The following GPRIN3 variants were observed in gnomAD, a reference collection of about 807,000 sequenced individuals.
The protein encoded by GPRIN3 is GPRIN family member 3.
In GPRIN3, 12 loss-of-function variants were observed where a neutral mutation model predicts 13.7. That is an observed-to-expected ratio of 0.87 (90% CI 0.56 to 1.42). The LOEUF (loss-of-function observed/expected upper bound fraction) is 1.42. GPRIN3 is among the 40% of genes most tolerant of loss of function. The pLI, the probability that GPRIN3 is intolerant of heterozygous loss-of-function variation, is 0.00. For synonymous variants in GPRIN3, 377 were observed against 372.7 expected (o/e 1.01, Z -0.13); for missense variants, 1,009 against 958.7 (o/e 1.05, Z -0.69).
chr4:89,262,213 C>CAAT (rs1723651185), intron 1 of GPRIN3, among the ~76,000 whole-genome samples: 1 of 150,812 alleles, frequency 6.6e-6, no homozygotes, highest in Non-Finnish European at 1.5e-5. Context: ...AACAAAAATC[C>CAAT]AATAATAATA....
rs537410894 is a variant in GPRIN3, at chr4:89,239,172, A to G, written c.*8608T>C. On this transcript the variant is annotated 3_prime_UTR_variant, in exon 2 of 2. Coordinates refer to ENST00000609438, the MANE Select transcript of GPRIN3 (RefSeq NM_198281.3). ...ACATTATAAAAAAACATAACTTTGGATTTTAATATTAATACATTCATAAAT... is the reference window on the plus strand; with the variant it reads ...ACATTATAAAAAAACATAACTTTGGGTTTTAATATTAATACATTCATAAAT... 3.4e-4 allele frequency: 52 copies of G among 152,250 alleles called. No individual in the cohort carries two copies. Among genetic ancestry groups the G allele is most frequent in the African/African-American group, 1.1e-3 (45 of 41,566 alleles). 9.4% of individuals were successfully genotyped at this position (152,250 alleles called of 1,614,324 possible).
At chr4:89,255,273 G>A (rs1034846963) in intron 1 of GPRIN3, among the ~76,000 whole-genome samples, 1 of 152,158 alleles carries the variant, frequency 6.6e-6, no homozygotes, top group African/African-American at 2.4e-5. Flanking sequence ...ATAAACTGAG[G>A]ATAATAATAG....
In GPRIN3 at chr4:89,242,919, C is replaced by T. The variant is rs1004943619; in HGVS notation, c.*4861G>A. 7 of 152,088 alleles carry T rather than the reference C, an allele frequency of 4.6e-5. No individual in the cohort carries two copies. Among genetic ancestry groups the T allele is most frequent in the African/African-American group, 1.7e-4 (7 of 41,404 alleles). 9.4% of individuals were successfully genotyped at this position (152,088 alleles called of 1,614,324 possible). On this transcript the variant is annotated 3_prime_UTR_variant, in exon 2 of 2. Transcript: ENST00000609438. Reference sequence around the variant, plus strand: ...TCATCACGTTTACTTACCTAACAGCCAAAAATAATGTTTCAGGATTGTTTG... The same window carrying T: ...TCATCACGTTTACTTACCTAACAGCTAAAAATAATGTTTCAGGATTGTTTG...
intron 1 of GPRIN3, among the ~76,000 whole-genome samples, chr4:89,290,430 A>G (rs1724539795): frequency 6.6e-6 from 1 of 152,072 alleles, no homozygotes; most frequent in African/African-American, 2.4e-5. Flanking sequence ...TGTATCAGGG[A>G]CTGGGCTAGG....
chr4:89,238,734 C>T lies in GPRIN3; in HGVS notation c.*9046G>A, dbSNP rs553746854. The T allele has an allele frequency of 1.5e-4, 23 of 152,180 alleles. No homozygotes were observed. Among genetic ancestry groups the T allele is most frequent in the Non-Finnish European group, 2.8e-4 (19 of 68,038 alleles). 9.4% of individuals were successfully genotyped at this position (152,180 alleles called of 1,614,324 possible). A position where few individuals can be genotyped will look rare whatever the true frequency, so the allele number is the denominator to read the frequency against. ...TCTTTCATTGCAAATACTTCCAGTTCCACTGCAGATTCCTAGCAGAAGCTG... is the reference window on the plus strand; with the variant it reads ...TCTTTCATTGCAAATACTTCCAGTTTCACTGCAGATTCCTAGCAGAAGCTG... On this transcript the variant is annotated 3_prime_UTR_variant, in exon 2 of 2. Coordinates refer to ENST00000609438, the MANE Select transcript of GPRIN3 (RefSeq NM_198281.3).
At chr4:89,290,846 G>T (rs1208028026) in intron 1 of GPRIN3, among the ~76,000 whole-genome samples, 2 of 151,998 alleles carry the variant, frequency 1.3e-5, no homozygotes, top group African/African-American at 4.8e-5. Flanking sequence ...AGAGACTGCC[G>T]CATGCCCCAT....
At position 89,247,562 on chromosome 4, in the gene GPRIN3, CTTGT is replaced by C. The variant is rs1723137327; in HGVS notation, c.*214_*217del. The stretch of plus-strand genomic sequence containing the variant: ...TTAAGGTTGCAAACCTTCAGTGAAG[CTTGT>C]TTCTCTTTTCTTGTTCCTTCTTTCA... On this transcript the variant is annotated 3_prime_UTR_variant, in exon 2 of 2. Transcript: ENST00000609438. 1 of 480,508 alleles carries C rather than the reference CTTGT, an allele frequency of 2.1e-6. No homozygotes were observed. Among genetic ancestry groups the C allele is most frequent in the Admixed American group, 3.8e-5 (1 of 26,140 alleles). The allele number at this position is 480,508 out of a possible 1,614,324, so 29.8% of individuals were successfully genotyped here. A position where few individuals can be genotyped will look rare whatever the true frequency, so the allele number is the denominator to read the frequency against.
chr4:89,287,741 A>C (rs1724461604), intron 1 of GPRIN3, among the ~76,000 whole-genome samples: 1 of 152,260 alleles, frequency 6.6e-6, no homozygotes, highest in Admixed American at 6.5e-5. Context: ...CCCTGAAATG[A>C]GTAAAACATG....
At position 89,242,228 on chromosome 4, in the gene GPRIN3, T is replaced by G. The variant is rs1440830091; in HGVS notation, c.*5552A>C. On this transcript the variant is annotated 3_prime_UTR_variant, in exon 2 of 2. Transcript: ENST00000609438. ...TTGATGAAGAGTTAGCATTTAGAAG[T>G]GCCCATCTGGAGCATCGTTTTCTGT... 6.6e-6 allele frequency: 1 copy of G among 152,228 alleles called. No homozygotes were observed. Among genetic ancestry groups the G allele is most frequent in the African/African-American group, 2.4e-5 (1 of 41,464 alleles). The allele number at this position is 152,228 out of a possible 1,614,324, so 9.4% of individuals were successfully genotyped here.
chr4:89,277,964 C>T (rs991771514), intron 1 of GPRIN3, among the ~76,000 whole-genome samples: 1 of 152,124 alleles, frequency 6.6e-6, no homozygotes, highest in East Asian at 1.9e-4. Flanking sequence ...TTTCACCACC[C>T]CGTATTTTCC....
intron 1 of GPRIN3, among the ~76,000 whole-genome samples, chr4:89,270,571 A>ATGTATATAATT (rs1723910776): frequency 2.1e-5 from 2 of 93,608 alleles, no homozygotes; most frequent in African/African-American, 1.3e-4. Flanking sequence ...TAATTTATAT[A>ATGTATATAATT]TATATATATA....
At position 89,295,255 on chromosome 4, in the gene GPRIN3, C is replaced by T. The variant is rs116797025; in HGVS notation, c.-124+12360G>A. On this transcript the variant is annotated intron_variant, in intron 1 of 1. Transcript: ENST00000609438. ...AGCAACACACATTTTAAATTTGTAA[C>T]GTGAGCCTTGATAATGCATTTTATC... Among the ~76,000 whole-genome samples the T allele has an allele frequency of 6.7e-3, 1,016 of 152,272 alleles. 13 individuals are homozygous for T. The highest frequency in any genetic ancestry group is 0.023 in the African/African-American group (968 of 41,556).
rs1419870229 is a variant in GPRIN3, at chr4:89,247,174, G to A, written c.*606C>T. 4 of 152,114 alleles carry A rather than the reference G, an allele frequency of 2.6e-5. No homozygotes were observed. Among genetic ancestry groups the A allele is most frequent in the African/African-American group, 9.7e-5 (4 of 41,414 alleles). The allele number at this position is 152,114 out of a possible 1,614,324, so 9.4% of individuals were successfully genotyped here. On this transcript the variant is annotated 3_prime_UTR_variant, in exon 2 of 2. Coordinates refer to ENST00000609438, the MANE Select transcript of GPRIN3 (RefSeq NM_198281.3). ...AGAAGGTTTATAAAAAGAGTTGTCTGCAGATGTTTATAAACATTAATTCAT... is the reference window on the plus strand; with the variant it reads ...AGAAGGTTTATAAAAAGAGTTGTCTACAGATGTTTATAAACATTAATTCAT...
At chr4:89,294,996 A>G (rs1724692498) in intron 1 of GPRIN3, among the ~76,000 whole-genome samples, 1 of 152,156 alleles carries the variant, frequency 6.6e-6, no homozygotes, top group African/African-American at 2.4e-5. Flanking sequence ...GCACCTCTCA[A>G]TGTAGCTGAT....
At position 89,248,518 on chromosome 4, in the gene GPRIN3, A is replaced by G. The variant is rs189248265; in HGVS notation, c.1593T>C (p.Asn531=). 179 of 1,613,278 alleles carry G rather than the reference A, an allele frequency of 1.1e-4. No individual in the cohort carries two copies. In the Admixed American group the frequency reaches 1.2e-3, roughly 11 times the overall value. Residue 531 remains asparagine, a synonymous_variant, in exon 2 of 2, where the codon AAT becomes AAC. Transcript: ENST00000609438. ...GCTTCTTTTCCCTTGCATCTCCTTTATTAGTGGGATCCAAGCTCCCAGAAT... is the reference window on the plus strand; with the variant it reads ...GCTTCTTTTCCCTTGCATCTCCTTTGTTAGTGGGATCCAAGCTCCCAGAAT... ...ADHSGSLDPT[N]KGDAREKKPA... is the part of the protein sequence containing the mutation.
chr4:89,284,723 G>T (rs985126016), intron 1 of GPRIN3, among the ~76,000 whole-genome samples: 1 of 152,132 alleles, frequency 6.6e-6, no homozygotes, highest in African/African-American at 2.4e-5. Flanking sequence ...TATGGCAGTG[G>T]GGGAGATCTG....
intron 1 of GPRIN3, among the ~76,000 whole-genome samples, chr4:89,264,598 G>A (rs1424572863): frequency 6.6e-6 from 1 of 152,078 alleles, no homozygotes; most frequent in Non-Finnish European, 1.5e-5. Context: ...GGAGCTCATG[G>A]GGAAGAGTGA....
At chr4:89,270,851 T>C (rs1723930633) in intron 1 of GPRIN3, among the ~76,000 whole-genome samples, 1 of 151,900 alleles carries the variant, frequency 6.6e-6, no homozygotes, top group Non-Finnish European at 1.5e-5. Context: ...AAACAAAAAG[T>C]ACTATGCAGA....
intron 1 of GPRIN3, among the ~76,000 whole-genome samples, chr4:89,279,162 A>G (rs1473554289): frequency 2.0e-5 from 3 of 152,150 alleles, no homozygotes; most frequent in Non-Finnish European, 4.4e-5. Context: ...ACAGCAAAAC[A>G]CTGCCCATTA....
Sources: allele counts gnomAD v4.1 joint callset (sites outside exome capture counted in the v4.1 genomes callset), GRCh38; gene constraint gnomAD v4.1.1; transcripts MANE v1.5; gene names NCBI Gene and HGNC (gene_info 2026-07-23, HGNC 2026-07-21).